Variants in VPS13C observed in about 807,000 individuals in gnomAD.
VPS13C encodes vacuolar protein sorting 13 homolog C, also known as intermembrane lipid transfer protein VPS13C.
A neutral mutation model predicts 456.8 loss-of-function variants in VPS13C; 358 were observed. The observed-to-expected ratio is 0.78, with a 90% CI of 0.72 to 0.86. VPS13C has a LOEUF of 0.86. VPS13C is among the 40% of genes least tolerant of loss of function. The pLI is 0.00. For synonymous variants in VPS13C, 1,578 were observed against 1,486.7 expected (o/e 1.06, Z -1.41); for missense variants, 4,818 against 4,385.4 (o/e 1.10, Z -2.79).
At chr15:61,959,113 T>C (rs1176549764) in intron 36 of VPS13C, among the ~76,000 whole-genome samples, 1 of 151,960 alleles carries the variant, frequency 6.6e-6, no homozygotes, top group Non-Finnish European at 1.5e-5. Context: ...AAAAAGTAAA[T>C]ATTTCCCTCA....
At chr15:62,005,410 T>C (rs1470139889) in intron 15 of VPS13C, among the ~76,000 whole-genome samples, 4 of 152,232 alleles carry the variant, frequency 2.6e-5, no homozygotes, top group Admixed American at 2.6e-4. Context: ...CCTATTTTTG[T>C]CTCTGCACGT....
chr15:62,017,378 G>A (rs2047294046), intron 9 of VPS13C, among the ~76,000 whole-genome samples: 1 of 152,060 alleles, frequency 6.6e-6, no homozygotes, highest in Non-Finnish European at 1.5e-5. Context: ...TGTCCTGAAT[G>A]GTATTGCCTA....
At chr15:61,914,847 T>A (rs1446383729) in intron 61 of VPS13C, among the ~76,000 whole-genome samples, 2 of 108,574 alleles carry the variant, frequency 1.8e-5, no homozygotes, top group Non-Finnish European at 3.4e-5. Flanking sequence ...TTTACAGGCA[T>A]AAGCCACCGA....
intron 60 of VPS13C, among the ~76,000 whole-genome samples, chr15:61,917,101 T>C (rs1046836725): frequency 6.6e-6 from 1 of 152,104 alleles, no homozygotes; most frequent in Non-Finnish European, 1.5e-5. Context: ...GGCCTGATAA[T>C]AGTACCTACA....
chr15:61,958,518 A>G, intron 37 of VPS13C, 90 bp downstream of exon 37: 3 of 741,108 alleles, frequency 4.0e-6, no homozygotes, highest in Non-Finnish European at 6.7e-6. Flanking sequence ...TTGTAAACAT[A>G]TATTTGTTTA....
At chr15:61,865,226 A>G (rs2140854877) in intron 81 of VPS13C, 1 of 984,514 alleles carries the variant, frequency 1.0e-6, no homozygotes, top group East Asian at 1.1e-4. Flanking sequence ...TTTTCAAGTA[A>G]ATTCTAAGGA....
At chr15:62,014,090 G>C in intron 9 of VPS13C, 98 bp from the exon 10 acceptor site, 1 of 781,246 alleles carries the variant, frequency 1.3e-6, no homozygotes, top group Non-Finnish European at 2.0e-6. Flanking sequence ...AGGAAGAAAT[G>C]ACATCTACTT....
At chr15:61,919,536 A>T in intron 57 of VPS13C, 87 bp from the exon 58 acceptor site, 1 of 1,272,066 alleles carries the variant, frequency 7.9e-7, no homozygotes, top group Non-Finnish European at 1.0e-6. Flanking sequence ...AAAATAATGA[A>T]GAGTATTTTT....
At chr15:61,855,076 A>G (rs1722307280) in intron 83 of VPS13C, 122 bp from the exon 84 acceptor site, 2 of 695,292 alleles carry the variant, frequency 2.9e-6, no homozygotes, top group African/African-American at 1.8e-5. Context: ...CCAAATACAC[A>G]TATTCAAGTA....
chr15:61,903,523 C>T (rs983039647), intron 66 of VPS13C, among the ~76,000 whole-genome samples: 9 of 151,958 alleles, frequency 5.9e-5, no homozygotes, highest in South Asian at 2.1e-4. Context: ...AAAAATAGAA[C>T]GATATCCCTT....
rs1421812795 is a variant in VPS13C, at chr15:61,911,883, C to T, written c.8672G>A (p.Gly2891Asp). ...GTTCCATTTATTAGTTGGCATTGAG[C>T]CATCAGATGCAATCTCGCCAACTTC... ...ELEVGEIASDGSMPTNKWNYI... is the reference protein window; with the variant it reads ...ELEVGEIASDDSMPTNKWNYI... The change falls in exon 63 of 85, where the codon GGC becomes GAC. Residue 2891 changes from glycine to aspartate, a missense_variant. By Grantham distance (94) the Gly-to-Asp change is moderately conservative (BLOSUM62 -1). Around this residue, in one of 3 missense-constraint regions of VPS13C, gnomAD observed 4,552 missense variants for 4,130.6 expected, o/e 1.10. Transcript: ENST00000644861. 6.2e-7 allele frequency: 1 copy of T among 1,611,660 alleles called. No individual in the cohort carries two copies. Among genetic ancestry groups the T allele is most frequent in the African/African-American group, 1.3e-5 (1 of 74,836 alleles).
At chr15:61,917,286 A>C (rs2043501882) in intron 60 of VPS13C, 55 bp downstream of exon 60, 1 of 1,550,094 alleles carries the variant, frequency 6.5e-7, no homozygotes, top group Non-Finnish European at 8.8e-7. Flanking sequence ...CATAAAACAA[A>C]ATCAGAATTT....
intron 1 of VPS13C, among the ~76,000 whole-genome samples, chr15:62,049,226 T>C (rs978515225): frequency 2.6e-5 from 4 of 152,254 alleles, no homozygotes; most frequent in African/African-American, 9.6e-5. Context: ...CTAGGGTTTT[T>C]ATGGTTTTAG....
chr15:61,872,243 T>C (rs528693967), intron 78 of VPS13C, among the ~76,000 whole-genome samples: 3 of 152,150 alleles, frequency 2.0e-5, no homozygotes, highest in African/African-American at 7.2e-5. Flanking sequence ...AATGAAAGCA[T>C]TTTATAAATT....
chr15:62,042,152 T>G (rs567611687), intron 2 of VPS13C, among the ~76,000 whole-genome samples: 1 of 152,310 alleles, frequency 6.6e-6, no homozygotes, highest in South Asian at 2.1e-4. Context: ...AATATATTAT[T>G]TACCAAATTA....
chr15:61,926,034 A>C (rs192213191), intron 52 of VPS13C, among the ~76,000 whole-genome samples: 11 of 152,326 alleles, frequency 7.2e-5, no homozygotes, highest in Admixed American at 6.5e-4. Flanking sequence ...TATATCATTA[A>C]AGAAACGAAT....
rs1894667319 is a variant in VPS13C, at chr15:61,867,383, T to C, written c.10863+1276A>G. On this transcript the variant is annotated intron_variant, in intron 81 of 84. Coordinates refer to ENST00000644861, the MANE Select transcript of VPS13C (RefSeq NM_020821.3). The surrounding 1 kb of genome is among the most constrained non-coding windows in gnomAD (Gnocchi z 5.0). Reference sequence around the variant, plus strand: ...ATATCCTCAAAATTCATGTGCCAACTATTTATTACTTGAGGTCTAAGGGCA... The same window carrying C: ...ATATCCTCAAAATTCATGTGCCAACCATTTATTACTTGAGGTCTAAGGGCA... 1.0e-6 allele frequency: 1 copy of C among 985,316 alleles called. No individual in the cohort carries two copies. Among genetic ancestry groups the C allele is most frequent in the East Asian group, 1.1e-4 (1 of 8,840 alleles). The allele number at this position is 985,316 out of a possible 1,614,324, so 61.0% of individuals were successfully genotyped here.
intron 1 of VPS13C, among the ~76,000 whole-genome samples, chr15:62,044,637 G>A (rs1315538331): frequency 2.0e-5 from 3 of 152,082 alleles, no homozygotes; most frequent in Non-Finnish European, 4.4e-5. Context: ...CAATCATCCT[G>A]GGTTCTTTAA....
intron 47 of VPS13C, 51 bp from the exon 48 acceptor site, chr15:61,936,801 C>A: frequency 1.1e-5 from 16 of 1,495,354 alleles, no homozygotes; most frequent in Admixed American, 2.2e-5. Context: ...AAAATGTAGA[C>A]TATCATATCT....
Sources: allele counts gnomAD v4.1 joint callset (sites outside exome capture counted in the v4.1 genomes callset), GRCh38; gene constraint gnomAD v4.1.1; regional missense constraint gnomAD v4.1.1; non-coding constraint Gnocchi (gnomAD v3.1); transcripts MANE v1.5; gene names NCBI Gene and HGNC (gene_info 2026-07-23, HGNC 2026-07-21).